PPP1R14C: variants seen among roughly 807,000 people sequenced by gnomAD.
The protein encoded by PPP1R14C is protein phosphatase 1 regulatory inhibitor subunit 14C, also known as protein phosphatase 1 regulatory subunit 14C.
A neutral mutation model predicts 20.4 loss-of-function variants in PPP1R14C; 16 were observed. The ratio of observed to expected loss-of-function variants is 0.78; its 90% CI spans 0.53 to 1.19. PPP1R14C has a LOEUF of 1.19. Among genes scored for constraint, PPP1R14C ranks in the 50% most tolerant of loss-of-function variants. The probability of loss-of-function intolerance (pLI) is 0.00; values close to 1 mark genes in which losing one functional copy is unlikely to be tolerated. For missense variants in PPP1R14C, 211 were observed against 220.1 expected (o/e 0.96, Z 0.26); for synonymous variants, 91 against 91.0 (o/e 1.00, Z 0.00).
rs75637390 is a variant in PPP1R14C at position 150,189,436 on chromosome 6, A to T, written c.307-25308A>T. Among the ~76,000 whole-genome samples the T allele has an allele frequency of 4.4e-3, 674 of 152,232 alleles. 4 individuals carry two copies. Among genetic ancestry groups the T allele is most frequent in the African/African-American group, 0.015 (641 of 41,534 alleles). ...AGTGTTCCTTCATGACTTGCTCTACATTCTAGTCCCATTTCTCAGGGCCAC... is the reference window on the plus strand; with the variant it reads ...AGTGTTCCTTCATGACTTGCTCTACTTTCTAGTCCCATTTCTCAGGGCCAC... On this transcript the variant is annotated intron_variant, in intron 1 of 3. Transcript: ENST00000361131.
intron 3 of PPP1R14C, among the ~76,000 whole-genome samples, chr6:150,242,037 T>G (rs1002550763): frequency 2.7e-5 from 4 of 150,660 alleles, no homozygotes; most frequent in African/African-American, 9.8e-5. Context: ...GGAAAGAGAG[T>G]TTTGTTTTTG....
intron 1 of PPP1R14C, among the ~76,000 whole-genome samples, chr6:150,159,738 A>G (rs1422594354): frequency 6.6e-6 from 1 of 152,110 alleles, no homozygotes. Flanking sequence ...TGTTAGCAAC[A>G]TATGTTAGAA....
intron 1 of PPP1R14C, among the ~76,000 whole-genome samples, chr6:150,147,616 T>C (rs1777194470): frequency 6.6e-6 from 1 of 152,244 alleles, no homozygotes; most frequent in South Asian, 2.1e-4. Context: ...ACTTCCAGTT[T>C]TGCAATTCAA....
chr6:150,183,338 T>G (rs2114880587), intron 1 of PPP1R14C, among the ~76,000 whole-genome samples: 1 of 152,272 alleles, frequency 6.6e-6, no homozygotes, highest in African/African-American at 2.4e-5. Context: ...AAATTCAACT[T>G]TATTGCTCCA....
intron 1 of PPP1R14C, among the ~76,000 whole-genome samples, chr6:150,170,333 C>CT (rs34988021): frequency 9.1e-6 from 1 of 110,236 alleles, no homozygotes; most frequent in South Asian, 2.9e-4. Context: ...TTTTTTTTTT[C>CT]TTTTTTTGAG....
At chr6:150,160,837 A>G (rs1329169045) in intron 1 of PPP1R14C, among the ~76,000 whole-genome samples, 2 of 151,892 alleles carry the variant, frequency 1.3e-5, no homozygotes, top group Non-Finnish European at 2.9e-5. Flanking sequence ...ACATACCCCC[A>G]TGATCGTGTG....
chr6:150,241,126 T>A (rs769480031), intron 3 of PPP1R14C, among the ~76,000 whole-genome samples: 27 of 152,030 alleles, frequency 1.8e-4, no homozygotes, highest in Non-Finnish European at 3.5e-4. Flanking sequence ...CCTACCCCCA[T>A]CCTCCAAAAA....
chr6:150,196,028 G>T, intron 1 of PPP1R14C: 1 of 985,356 alleles, frequency 1.0e-6, no homozygotes, highest in African/African-American at 1.7e-5. Context: ...TGGGGGACTG[G>T]GATTCTCCTC....
At chr6:150,215,702 G>A (rs936150522) in intron 2 of PPP1R14C, among the ~76,000 whole-genome samples, 6 of 152,292 alleles carry the variant, frequency 3.9e-5, no homozygotes, top group Non-Finnish European at 5.9e-5. Flanking sequence ...AAAAGATAAC[G>A]CAGGTATCAG....
rs191969247 is a variant in PPP1R14C at position 150,191,182 on chromosome 6, C to T, written c.307-23562C>T. On this transcript the variant is annotated intron_variant, in intron 1 of 3. Transcript: ENST00000361131. ...CTTCAGGACCTTATCATACGTCAGG[C>T]TCCCAGTGAACCTTCCAGGATCAAC... Among the ~76,000 whole-genome samples the T allele has an allele frequency of 2.0e-5, 3 of 152,278 alleles. No individual in the cohort carries two copies. In the East Asian group the frequency reaches 5.8e-4, roughly 29 times the overall value.
intron 1 of PPP1R14C, among the ~76,000 whole-genome samples, chr6:150,189,225 C>T (rs977321291): frequency 4.0e-5 from 6 of 151,410 alleles, no homozygotes; most frequent in South Asian, 2.1e-4. Context: ...GTTCTTTTTT[C>T]TGGACAGCAC....
intron 1 of PPP1R14C, among the ~76,000 whole-genome samples, chr6:150,145,871 C>A (rs1582891598): frequency 1.3e-5 from 2 of 152,318 alleles, no homozygotes; most frequent in Middle Eastern, 3.4e-3. Flanking sequence ...ATGAACACAT[C>A]TTTAATTTCA....
intron 1 of PPP1R14C, among the ~76,000 whole-genome samples, chr6:150,199,914 T>C (rs975371254): frequency 2.0e-5 from 3 of 151,988 alleles, no homozygotes; most frequent in Non-Finnish European, 4.4e-5. Flanking sequence ...CAGCCTTTTG[T>C]ATTTTGTTAG....
At chr6:150,149,455 CTT>C (rs869244401) in intron 1 of PPP1R14C, among the ~76,000 whole-genome samples, 1 of 35,484 alleles carries the variant, frequency 2.8e-5, no homozygotes. Context: ...TTTTTTTTTT[CTT>C]TTTTTTTTTT....
At chr6:150,225,753 C>T (rs146857294) in intron 3 of PPP1R14C, among the ~76,000 whole-genome samples, 8 of 152,246 alleles carry the variant, frequency 5.3e-5, no homozygotes, top group Admixed American at 2.0e-4. Context: ...CCTAAATTCA[C>T]ACAGTTAATG....
At chr6:150,228,140 A>T (rs1778250854) in intron 3 of PPP1R14C, among the ~76,000 whole-genome samples, 1 of 152,240 alleles carries the variant, frequency 6.6e-6, no homozygotes, top group African/African-American at 2.4e-5. Context: ...AAATTGAGGA[A>T]AATCAACCCA....
At chr6:150,175,524 G>A (rs1416629287) in intron 1 of PPP1R14C, among the ~76,000 whole-genome samples, 1 of 152,210 alleles carries the variant, frequency 6.6e-6, no homozygotes, top group African/African-American at 2.4e-5. Flanking sequence ...TGACTAGTTA[G>A]TAATTTCCTT....
At position 150,249,317 on chromosome 6, in the gene PPP1R14C, G is replaced by A; in HGVS notation, c.*497G>A. On this transcript the variant is annotated 3_prime_UTR_variant, in exon 4 of 4. Transcript: ENST00000361131. ...TATTTCACATGGATGGAATAAACTT[G>A]TGGTTGTCCTTTAACTGGAGGTCCC... 2 of 399,092 alleles carry A rather than the reference G, an allele frequency of 5.0e-6. No individual in the cohort carries two copies. The highest frequency in any genetic ancestry group is 8.8e-6 in the Non-Finnish European group (2 of 226,136). 24.7% of individuals were successfully genotyped at this position (399,092 alleles called of 1,614,324 possible).
At chr6:150,180,743 C>T (rs557236731) in intron 1 of PPP1R14C, among the ~76,000 whole-genome samples, 93 of 151,860 alleles carry the variant, frequency 6.1e-4, no homozygotes, top group African/African-American at 1.8e-3. Context: ...GGGGTGGGGG[C>T]GGAGTGAAGG....
Sources: gnomAD v4.1 joint callset for allele counts (sites outside exome capture counted in the v4.1 genomes callset) on GRCh38, gnomAD v4.1.1 for gene constraint, MANE v1.5 for transcripts, NCBI Gene and HGNC (gene_info 2026-07-23, HGNC 2026-07-21) for gene names.